The following GAREM1 variants were observed in gnomAD, a reference collection of about 807,000 sequenced individuals.
The protein encoded by GAREM1 is GRB2 associated regulator of MAPK1 subtype 1, also known as GRB2-associated and regulator of MAPK protein 1.
In GAREM1, 26 loss-of-function variants were observed where a neutral mutation model predicts 71.3. The ratio of observed to expected loss-of-function variants is 0.36; its 90% CI spans 0.27 to 0.51. GAREM1 has a LOEUF of 0.51. GAREM1 is among the 20% of genes least tolerant of loss of function. GAREM1 has a pLI of 0.95. For missense variants in GAREM1, 1,026 were observed against 1,103.1 expected (o/e 0.93, Z 0.99); for synonymous variants, 440 against 433.2 (o/e 1.02, Z -0.20).
intron 2 of GAREM1, among the ~76,000 whole-genome samples, chr18:32,339,277 ATGAATGCCAGG>A (rs1184175267): frequency 6.6e-6 from 1 of 152,176 alleles, no homozygotes; most frequent in Non-Finnish European, 1.5e-5. Flanking sequence ...CCTTGCTGAT[ATGAATGCCAGG>A]TCCACCGCCC....
chr18:32,408,387 T>G (rs552777726), intron 1 of GAREM1, among the ~76,000 whole-genome samples: 1 of 152,302 alleles, frequency 6.6e-6, no homozygotes, highest in East Asian at 1.9e-4. Context: ...TTGATAAAAC[T>G]AAGTCAGGAG....
At chr18:32,271,058 A>G in intron 4 of GAREM1, among the ~76,000 whole-genome samples, 1 of 151,806 alleles carries the variant, frequency 6.6e-6, no homozygotes, top group East Asian at 1.9e-4. Context: ...GGTGTGCGCC[A>G]GTACACCTGA....
chr18:32,380,675 T>G (rs1374357056), intron 2 of GAREM1, among the ~76,000 whole-genome samples: 1 of 152,100 alleles, frequency 6.6e-6, no homozygotes, highest in East Asian at 1.9e-4. Context: ...ACAGAAGCTG[T>G]CCTGTGCAGT....
At chr18:32,350,367 T>C (rs2047736396) in intron 2 of GAREM1, among the ~76,000 whole-genome samples, 2 of 152,244 alleles carry the variant, frequency 1.3e-5, no homozygotes, top group Non-Finnish European at 2.9e-5. Context: ...TTAGATTTTT[T>C]GTTGGTTTCT....
chr18:32,416,202 C>A (rs2048465096), intron 1 of GAREM1, among the ~76,000 whole-genome samples: 2 of 152,036 alleles, frequency 1.3e-5, no homozygotes, highest in South Asian at 4.1e-4. Context: ...CTATAAAACA[C>A]TGAGGAAAGA....
At chr18:32,360,832 C>T (rs761350361) in intron 2 of GAREM1, among the ~76,000 whole-genome samples, 1 of 152,132 alleles carries the variant, frequency 6.6e-6, no homozygotes, top group Non-Finnish European at 1.5e-5. Context: ...AGTCTGTACC[C>T]TATTTGTTCT....
chr18:32,413,659 T>C (rs757300130), intron 1 of GAREM1, among the ~76,000 whole-genome samples: 8 of 151,950 alleles, frequency 5.3e-5, no homozygotes, highest in African/African-American at 7.2e-5. Flanking sequence ...AAAGATATAA[T>C]AGGCCTAAAA....
intron 1 of GAREM1, among the ~76,000 whole-genome samples, chr18:32,407,671 C>T (rs1306184392): frequency 6.6e-6 from 1 of 152,040 alleles, no homozygotes; most frequent in Non-Finnish European, 1.5e-5. Flanking sequence ...TTTATTCTTT[C>T]TGATTGAGGG....
chr18:32,356,151 G>T (rs1674483639), intron 2 of GAREM1, among the ~76,000 whole-genome samples: 1 of 152,124 alleles, frequency 6.6e-6, no homozygotes, highest in Admixed American at 6.5e-5. Flanking sequence ...AGCAGGTCAG[G>T]TTAGCATTTT....
intron 1 of GAREM1, among the ~76,000 whole-genome samples, chr18:32,448,553 C>T (rs949263950): frequency 3.3e-5 from 5 of 152,164 alleles, no homozygotes; most frequent in Non-Finnish European, 7.3e-5. Context: ...GGCTTTGTGA[C>T]AGGTAAATAC....
At chr18:32,306,093 G>A (rs2047253392) in intron 3 of GAREM1, among the ~76,000 whole-genome samples, 1 of 152,154 alleles carries the variant, frequency 6.6e-6, no homozygotes, top group African/African-American at 2.4e-5. Context: ...TCTCAGAGCT[G>A]ATTATTATTT....
chr18:32,286,601 A>G (rs2047020128), intron 4 of GAREM1, among the ~76,000 whole-genome samples: 1 of 152,142 alleles, frequency 6.6e-6, no homozygotes. Context: ...CCTGACATCC[A>G]ACTCACAAGT....
intron 1 of GAREM1, among the ~76,000 whole-genome samples, chr18:32,465,816 C>T (rs879084010): frequency 1.3e-5 from 2 of 152,188 alleles, no homozygotes; most frequent in African/African-American, 2.4e-5. Flanking sequence ...TCCACGCTTG[C>T]GTTGGACATC....
intron 2 of GAREM1, among the ~76,000 whole-genome samples, chr18:32,334,216 A>C (rs2047566215): frequency 6.6e-6 from 1 of 152,212 alleles, no homozygotes; most frequent in South Asian, 2.1e-4. Context: ...GCTTTATAGA[A>C]GACTTAATCA....
At chr18:32,291,098 T>C (rs960612734) in intron 3 of GAREM1, among the ~76,000 whole-genome samples, 2 of 152,152 alleles carry the variant, frequency 1.3e-5, no homozygotes, top group African/African-American at 2.4e-5. Flanking sequence ...TGCTTAAATA[T>C]AGGAGGCTGA....
At chr18:32,437,668 T>C (rs1435794229) in intron 1 of GAREM1, among the ~76,000 whole-genome samples, 1 of 151,154 alleles carries the variant, frequency 6.6e-6, no homozygotes, top group Non-Finnish European at 1.5e-5. Flanking sequence ...CACCTCTGAA[T>C]GCGGAGACAG....
rs1208532441 is a variant in GAREM1, at chr18:32,470,520, G to A, written c.-92C>T. 2.1e-6 allele frequency: 2 copies of A among 956,334 alleles called. No individual in the cohort carries two copies. The highest frequency in any genetic ancestry group is 2.5e-6 in the Non-Finnish European group (2 of 793,340). The allele number at this position is 956,334 out of a possible 1,614,324, so 59.2% of individuals were successfully genotyped here. A position where few individuals can be genotyped will look rare whatever the true frequency, so the allele number is the denominator to read the frequency against. ...CCGCCGCTGCTCGCGCTCGCGGTCT[G>A]GGGCGCGCGGGAGGCGCCGGGCAGC... is the stretch of plus-strand genomic sequence containing the variant. On this transcript the variant is annotated 5_prime_UTR_variant, in exon 1 of 6. Coordinates refer to ENST00000269209, the MANE Select transcript of GAREM1 (RefSeq NM_001242409.2). The surrounding 1 kb of genome is among the most constrained non-coding windows in gnomAD (Gnocchi z 4.4).
chr18:32,287,649 C>G lies in GAREM1; in HGVS notation c.948G>C (p.Glu316Asp), dbSNP rs763424838. The G allele has an allele frequency of 2.5e-6, 4 of 1,614,190 alleles. No individual in the cohort carries two copies. The South Asian group carries it at 4.4e-5, about 18-fold the overall frequency. Residue 316 changes from glutamate (E) to aspartate (D), a missense_variant, in exon 4 of 6, where the codon GAG becomes GAC. Around this residue, in one of 3 missense-constraint regions of GAREM1, gnomAD observed 218 missense variants for 296.8 expected, o/e 0.73. Transcript: ENST00000269209. The surrounding 1 kb of genome is among the most constrained non-coding windows in gnomAD (Gnocchi z 5.9). Reference sequence around the variant, plus strand: ...GATGGACCAGGGTTTCGGGCCAGCTCTCTCCCTTCACCAGGTGTTCTGGGA... The same window carrying G: ...GATGGACCAGGGTTTCGGGCCAGCTGTCTCCCTTCACCAGGTGTTCTGGGA... ...FSLPEHLVKGESWPETLVHHW... is the reference protein window; with the variant it reads ...FSLPEHLVKGDSWPETLVHHW...
At chr18:32,330,618 A>G (rs1376863842) in intron 2 of GAREM1, among the ~76,000 whole-genome samples, 3 of 147,144 alleles carry the variant, frequency 2.0e-5, no homozygotes, top group African/African-American at 7.4e-5. Flanking sequence ...GTAAATTTAA[A>G]GTATTTGTAT....
Sources: allele counts gnomAD v4.1 joint callset (sites outside exome capture counted in the v4.1 genomes callset), GRCh38; gene constraint gnomAD v4.1.1; regional missense constraint gnomAD v4.1.1; non-coding constraint Gnocchi (gnomAD v3.1); transcripts MANE v1.5; gene names NCBI Gene and HGNC (gene_info 2026-07-23, HGNC 2026-07-21).